The following RRP1B variants were observed in gnomAD, a reference collection of about 807,000 sequenced individuals.
RRP1B encodes ribosomal RNA processing protein 1 homolog B.
RRP1B carries 56 observed loss-of-function variants against 80.2 expected under a neutral mutation model. That is an observed-to-expected ratio of 0.70 (90% CI 0.56 to 0.87). The LOEUF (loss-of-function observed/expected upper bound fraction) is 0.87, where lower values mean the gene tolerates loss of function less well. Ranked by LOEUF, RRP1B falls within the 40% of genes least tolerant of loss-of-function variation. The pLI is 0.00. For missense variants in RRP1B, 807 were observed against 939.8 expected (o/e 0.86, Z 1.85); for synonymous variants, 351 against 357.6 (o/e 0.98, Z 0.21).
At position 43,693,965 on chromosome 21, in the gene RRP1B, A is replaced by G. The variant is rs2083097274; in HGVS notation, c.*582A>G. Reference sequence around the variant, plus strand: ...TACATGTGCTCAGCTGGGGGTGTGGACAGGTAGGGGTGGGGAAAGAAGAGG... The same window carrying G: ...TACATGTGCTCAGCTGGGGGTGTGGGCAGGTAGGGGTGGGGAAAGAAGAGG... On this transcript the variant is annotated 3_prime_UTR_variant, in exon 16 of 16. Transcript: ENST00000340648. The surrounding 1 kb of genome is among the most constrained non-coding windows in gnomAD (Gnocchi z 4.1). 1 of 152,322 alleles carries G rather than the reference A, an allele frequency of 6.6e-6. No homozygotes were observed. Among genetic ancestry groups the G allele is most frequent in the Non-Finnish European group, 1.5e-5 (1 of 68,086 alleles). The allele number at this position is 152,322 out of a possible 1,614,324, so 9.4% of individuals were successfully genotyped here.
In RRP1B at chr21:43,684,631, C is replaced by T. The variant is rs2083056643; in HGVS notation, c.970C>T (p.Leu324Phe). ...KNTPHFNRKR[L>F]SKLIKKFQDL... ...CACGCCCCACTTCAACAGGAAGCGC[C>T]TCTCCAAACTCATCAAGAAGTCAGT... is the stretch of plus-strand genomic sequence containing the variant. The change falls in exon 10 of 16, where the codon CTC becomes TTC. Residue 324 changes from leucine to phenylalanine, a missense_variant. Physicochemically the swap from Leu to Phe is conservative, Grantham distance 22. Coordinates refer to ENST00000340648, the MANE Select transcript of RRP1B (RefSeq NM_015056.3). 6.2e-7 allele frequency: 1 copy of T among 1,614,138 alleles called. No homozygotes were observed. Among genetic ancestry groups the T allele is most frequent in the Admixed American group, 1.7e-5 (1 of 60,026 alleles).
intron 8 of RRP1B, among the ~76,000 whole-genome samples, chr21:43,681,271 G>C (rs940463402): frequency 7.5e-6 from 1 of 132,734 alleles, no homozygotes; most frequent in Non-Finnish European, 1.5e-5. Context: ...CAGATAGATA[G>C]ATAGATAGAT....
At chr21:43,677,631 C>T (rs564285827) in intron 8 of RRP1B, among the ~76,000 whole-genome samples, 21 of 152,284 alleles carry the variant, frequency 1.4e-4, no homozygotes, top group Admixed American at 1.0e-3. Context: ...AGGGTACAAA[C>T]TCTACATAGA....
In RRP1B at chr21:43,693,152, A is replaced by G; in HGVS notation, c.2084-38A>G. The G allele has an allele frequency of 3.7e-6, 6 of 1,607,680 alleles. No homozygotes were observed. The South Asian group carries it at 6.6e-5, about 18-fold the overall frequency. On this transcript the variant is annotated intron_variant, in intron 15 of 15. Coordinates refer to ENST00000340648, the MANE Select transcript of RRP1B (RefSeq NM_015056.3). This position sits in a 1 kb window ranked among gnomAD's most constrained non-coding sequence, Gnocchi z 4.1. ...AAGGTGTTGAAGGGACAGCTGTCGG[A>G]CCCACTTAATATGGGGCCTTGCTCT...
intron 9 of RRP1B, among the ~76,000 whole-genome samples, chr21:43,684,293 G>A (rs890790765): frequency 1.1e-4 from 16 of 151,882 alleles, no homozygotes; most frequent in African/African-American, 3.1e-4. Flanking sequence ...GGATGGTCTC[G>A]ATGTCCTGAC....
At chr21:43,676,105 T>G (rs1181038387) in intron 6 of RRP1B, among the ~76,000 whole-genome samples, 167 bp from the exon 7 acceptor site, 2 of 152,172 alleles carry the variant, frequency 1.3e-5, no homozygotes, top group African/African-American at 2.4e-5. Flanking sequence ...GTCTTCAGCC[T>G]GGCTCCAGGC....
chr21:43,666,978 T>C (rs1415085691), intron 1 of RRP1B, among the ~76,000 whole-genome samples: 4 of 152,218 alleles, frequency 2.6e-5, no homozygotes, highest in African/African-American at 9.6e-5. Context: ...ACTTACCATG[T>C]TCCTCTGTCC....
chr21:43,676,828 C>T lies in RRP1B; in HGVS notation c.710C>T (p.Thr237Ile), dbSNP rs774996157. Reference protein sequence around the residue: ...VPEETMEEQKTKVGDGDLSAE... With the variant: ...VPEETMEEQKIKVGDGDLSAE... The stretch of plus-strand genomic sequence containing the variant: ...GAAGAGACGATGGAGGAACAGAAGA[C>T]AAAAGTGGGTGATGGTGACCTCTCT... Residue 237 changes from threonine (T) to isoleucine (I), a missense_variant, in exon 8 of 16, where the codon ACA becomes ATA. Thr to Ile is a moderately conservative substitution (Grantham distance 89). Transcript: ENST00000340648. The T allele has an allele frequency of 6.2e-6, 10 of 1,614,206 alleles. No homozygotes were observed. Among genetic ancestry groups the T allele is most frequent in the Non-Finnish European group, 8.5e-6 (10 of 1,180,030 alleles).
intron 3 of RRP1B, 83 bp downstream of exon 3, chr21:43,672,448 A>T: frequency 2.6e-6 from 3 of 1,168,364 alleles, no homozygotes; most frequent in Non-Finnish European, 3.8e-6. Flanking sequence ...TATTGTGTAG[A>T]TGTCAGGGGA....
chr21:43,683,500 C>A (rs2083051493), intron 9 of RRP1B, 127 bp downstream of exon 9: 1 of 629,998 alleles, frequency 1.6e-6, no homozygotes, highest in Non-Finnish European at 2.8e-6. Context: ...TCCCTTCAGT[C>A]ACTAAATGTC....
chr21:43,669,943 G>T lies in RRP1B; in HGVS notation c.190G>T (p.Val64Leu). ...GAAGGGGCTCTTCTACTGCATGTGG[G>T]TGCAGGATGAACCCCTTCTACAGGT... ...IWKGLFYCMW[V>L]QDEPLLQEEL... Residue 64 changes from valine to leucine, a missense_variant, in exon 2 of 16, where the codon GTG becomes TTG. By Grantham distance (32) the Val-to-Leu change is conservative. Coordinates refer to ENST00000340648, the MANE Select transcript of RRP1B (RefSeq NM_015056.3). The T allele has an allele frequency of 6.2e-7, 1 of 1,611,896 alleles. No homozygotes were observed.
At chr21:43,670,056 C>A in intron 2 of RRP1B, 90 bp downstream of exon 2, 1 of 759,722 alleles carries the variant, frequency 1.3e-6, no homozygotes, top group South Asian at 2.3e-5. Flanking sequence ...TCCCCCGATA[C>A]ACTGACGCAC....
At chr21:43,666,046 C>CCT (rs1344044185) in intron 1 of RRP1B, among the ~76,000 whole-genome samples, 3 of 152,118 alleles carry the variant, frequency 2.0e-5, no homozygotes, top group Non-Finnish European at 4.4e-5. Flanking sequence ...TTGGGATTTC[C>CCT]CTCCAAGGCT....
chr21:43,689,576 C>CAG (rs769632801), intron 13 of RRP1B, among the ~76,000 whole-genome samples: 4 of 152,320 alleles, frequency 2.6e-5, no homozygotes, highest in Non-Finnish European at 4.4e-5. Flanking sequence ...CTAAGAGGGC[C>CAG]AGAGACATTG....
Position 43,676,900 on chromosome 21 carries a change from G to A in RRP1B, c.782G>A (p.Ser261Asn). 6.2e-7 allele frequency: 1 copy of A among 1,614,138 alleles called. No homozygotes were observed. The highest frequency in any genetic ancestry group is 1.1e-5 in the South Asian group (1 of 91,078). ...ENEVSLRRAV[S>N]KKKTALGKNH... Reference sequence around the variant, plus strand: ...GAGGTATCCTTGAGAAGAGCTGTCAGTAAAAAGAAGACAGGTAGGAGGATG... The same window carrying A: ...GAGGTATCCTTGAGAAGAGCTGTCAATAAAAAGAAGACAGGTAGGAGGATG... The change falls in exon 8 of 16, where the codon AGT (serine) becomes AAT (asparagine). Residue 261 changes from serine to asparagine, a missense_variant. Ser to Asn is a conservative substitution (Grantham distance 46, BLOSUM62 1). Transcript: ENST00000340648.
chr21:43,659,856 G>T lies in RRP1B; in HGVS notation c.130+62G>T, dbSNP rs2082941690. On this transcript the variant is annotated intron_variant, in intron 1 of 15. Coordinates refer to ENST00000340648, the MANE Select transcript of RRP1B (RefSeq NM_015056.3). This position sits in a 1 kb window ranked among gnomAD's most constrained non-coding sequence, Gnocchi z 4.2. ...GGGCCGGGGGCCGGGGCTGGGGCTA[G>T]GGCCAGGGCCCCGGCACGGAATGCG... is the stretch of plus-strand genomic sequence containing the variant. 4.3e-6 allele frequency: 6 copies of T among 1,404,010 alleles called. No individual in the cohort carries two copies. Among genetic ancestry groups the T allele is most frequent in the Admixed American group, 3.1e-5 (1 of 31,976 alleles). 87.0% of individuals were successfully genotyped at this position (1,404,010 alleles called of 1,614,324 possible).
chr21:43,660,683 C>A (rs1013212502), intron 1 of RRP1B, among the ~76,000 whole-genome samples: 6 of 152,184 alleles, frequency 3.9e-5, no homozygotes, highest in African/African-American at 1.2e-4. Context: ...CAGCTCAGAT[C>A]TGAAGAGAAA....
In RRP1B at chr21:43,673,934, A is replaced by G. The variant is rs1367823278; in HGVS notation, c.336A>G (p.Leu112=). Residue 112 remains leucine, a synonymous_variant, in exon 4 of 16, where the codon CTA becomes CTG. Coordinates refer to ENST00000340648, the MANE Select transcript of RRP1B (RefSeq NM_015056.3). ...GAGAATGGAAAGGAATAGACAGGCT[A>G]CGCCTGGACAAATACTATATGGTAA... ...MNREWKGIDR[L]RLDKYYMLIR... The G allele has an allele frequency of 6.2e-7, 1 of 1,612,676 alleles. No homozygotes were observed. The highest frequency in any genetic ancestry group is 1.3e-5 in the African/African-American group (1 of 74,924).
At chr21:43,690,475 C>T (rs763666485) in intron 14 of RRP1B, 35 bp downstream of exon 14, 11 of 1,607,134 alleles carry the variant, frequency 6.8e-6, no homozygotes, top group Non-Finnish European at 9.4e-6. Context: ...CAGCACATTT[C>T]ACCACAAGGG....
Sources: allele counts gnomAD v4.1 joint callset (sites outside exome capture counted in the v4.1 genomes callset), GRCh38; gene constraint gnomAD v4.1.1; non-coding constraint Gnocchi (gnomAD v3.1); transcripts MANE v1.5; gene names NCBI Gene and HGNC (gene_info 2026-07-23, HGNC 2026-07-21).